The following MYO5A variants were observed in gnomAD, a reference collection of about 807,000 sequenced individuals.
MYO5A encodes the protein myosin VA.
MYO5A carries 98 observed loss-of-function variants against 249.7 expected under a neutral mutation model. The ratio of observed to expected loss-of-function variants is 0.39; its 90% CI spans 0.33 to 0.46. The LOEUF (loss-of-function observed/expected upper bound fraction) is 0.46. MYO5A is among the 20% of genes least tolerant of loss of function. MYO5A has a pLI of 0.98. For missense variants in MYO5A, 1,696 were observed against 2,308.8 expected (o/e 0.73, Z 5.44); for synonymous variants, 778 against 810.6 (o/e 0.96, Z 0.68).
At chr15:52,502,425 G>A (rs115426280) in intron 1 of MYO5A, among the ~76,000 whole-genome samples, 23 of 152,252 alleles carry the variant, frequency 1.5e-4, no homozygotes, top group African/African-American at 2.9e-4. Flanking sequence ...AATAAAGCTC[G>A]TAATTATTCT....
chr15:52,397,575 T>A, intron 9 of MYO5A, 109 bp from the exon 10 acceptor site: 1 of 1,273,534 alleles, frequency 7.9e-7, no homozygotes, highest in Non-Finnish European at 1.1e-6. Flanking sequence ...TTCTTTGTTA[T>A]AACAAACACC....
chr15:52,317,227 G>GA lies in MYO5A; in HGVS notation c.5235-6dup, dbSNP rs756314204. 17 of 1,610,974 alleles carry GA rather than the reference G, an allele frequency of 1.1e-5. No homozygotes were observed. Among genetic ancestry groups the GA allele is most frequent in the Admixed American group, 1.7e-5 (1 of 59,512 alleles). On this transcript the variant is annotated splice_region_variant and splice_polypyrimidine_tract_variant and intron_variant, in intron 39 of 41. Transcript: ENST00000399233. ...TCCAGTTGACTGACATTGTACCTATGAAAAAAAAGAGATACAGAGAATGCA... is the reference window on the plus strand; with the variant it reads ...TCCAGTTGACTGACATTGTACCTATGAAAAAAAAAGAGATACAGAGAATGCA...
At chr15:52,448,438 A>G (rs2075941204) in intron 1 of MYO5A, among the ~76,000 whole-genome samples, 2 of 152,192 alleles carry the variant, frequency 1.3e-5, no homozygotes, top group African/African-American at 4.8e-5. Flanking sequence ...TTTTTATTTT[A>G]CAGGCTCATA....
At chr15:52,451,070 C>T (rs2076011982) in intron 1 of MYO5A, among the ~76,000 whole-genome samples, 3 of 152,018 alleles carry the variant, frequency 2.0e-5, no homozygotes, top group Non-Finnish European at 4.4e-5. Flanking sequence ...ACATTACTTC[C>T]TAAAATCTCT....
At chr15:52,458,164 A>G (rs2076158563) in intron 1 of MYO5A, among the ~76,000 whole-genome samples, 1 of 152,216 alleles carries the variant, frequency 6.6e-6, no homozygotes, top group African/African-American at 2.4e-5. Flanking sequence ...ATACTGTTAG[A>G]AGAAATAACT....
intron 1 of MYO5A, among the ~76,000 whole-genome samples, chr15:52,497,614 G>A (rs530808222): frequency 1.4e-3 from 212 of 150,854 alleles, no homozygotes; most frequent in Middle Eastern, 0.01. Flanking sequence ...AAAATTAGCC[G>A]GGCGTGGCAG....
Position 52,433,258 on chromosome 15 carries a change from C to T in MYO5A, c.55G>A (p.Glu19Lys). The T allele has an allele frequency of 6.2e-7, 1 of 1,613,776 alleles. No homozygotes were observed. Residue 19 changes from glutamate to lysine, a missense_variant, in exon 2 of 42, where the codon GAG becomes AAG. Transcript: ENST00000399233. ...AGCTCTGCTGACTTCCAGACTTCCT[C>T]TGGATCAGGTATCCAAACCCTGGCA... ...KFARVWIPDP[E>K]EVWKSAELLK...
chr15:52,378,236 G>A (rs2041528406), intron 18 of MYO5A, among the ~76,000 whole-genome samples: 2 of 150,718 alleles, frequency 1.3e-5, no homozygotes, highest in South Asian at 4.2e-4. Flanking sequence ...GAAGGGGATT[G>A]GGCAGGCTGG....
At chr15:52,373,263 G>T (rs949000475) in intron 20 of MYO5A, among the ~76,000 whole-genome samples, 1 of 152,124 alleles carries the variant, frequency 6.6e-6, no homozygotes, top group African/African-American at 2.4e-5. Context: ...AAAAGACACC[G>T]TGTAAACATT....
intron 34 of MYO5A, among the ~76,000 whole-genome samples, chr15:52,335,022 G>A (rs1470471294): frequency 1.3e-5 from 2 of 152,216 alleles, no homozygotes; most frequent in African/African-American, 4.8e-5. Context: ...CATGTTGGAG[G>A]AATGAAAACC....
intron 1 of MYO5A, among the ~76,000 whole-genome samples, chr15:52,487,134 G>A (rs1389979318): frequency 6.6e-6 from 1 of 152,182 alleles, no homozygotes; most frequent in Non-Finnish European, 1.5e-5. Flanking sequence ...ATGGGTACTA[G>A]GGCCGAAGCA....
Position 52,440,742 on chromosome 15 carries a change from AAACT to A in MYO5A, c.28-7461_28-7458del, listed in dbSNP as rs368860782. On this transcript the variant is annotated intron_variant, in intron 1 of 41. Coordinates refer to ENST00000399233, the MANE Select transcript of MYO5A (RefSeq NM_001382347.1). ...GATGCCCCAGACACTTTTGGGAACA[AAACT>A]AACAGCATTAACAGAGTAAACTGAC... Among the ~76,000 whole-genome samples, 16 of 152,318 alleles carry A rather than the reference AAACT, an allele frequency of 1.1e-4. No individual in the cohort carries two copies. In the South Asian group the frequency reaches 3.3e-3, roughly 32 times the overall value.
At chr15:52,522,311 C>T (rs988624961) in intron 1 of MYO5A, among the ~76,000 whole-genome samples, 1 of 152,084 alleles carries the variant, frequency 6.6e-6, no homozygotes, top group East Asian at 1.9e-4. Flanking sequence ...AAACTGTACA[C>T]TTAAAATGAG....
intron 15 of MYO5A, 125 bp from the exon 16 acceptor site, chr15:52,383,313 C>T: frequency 2.5e-6 from 2 of 793,216 alleles, no homozygotes; most frequent in Middle Eastern, 2.2e-4. Flanking sequence ...AAACTTGACC[C>T]ATCTTCAGAA....
intron 1 of MYO5A, among the ~76,000 whole-genome samples, chr15:52,479,064 C>T (rs112117189): frequency 0.15 from 22,806 of 151,808 alleles, 1,823 homozygotes; most frequent in Middle Eastern, 0.22. Flanking sequence ...GGCGTGATCT[C>T]AGCTCACTGT....
intron 8 of MYO5A, among the ~76,000 whole-genome samples, chr15:52,406,792 A>G (rs2043022980): frequency 6.6e-6 from 1 of 152,190 alleles, no homozygotes; most frequent in African/African-American, 2.4e-5. Flanking sequence ...GGAATAAACT[A>G]CATGTAATGG....
At position 52,319,342 on chromosome 15, in the gene MYO5A, A is replaced by C; in HGVS notation, c.4952T>G (p.Val1651Gly). 1 of 1,613,904 alleles carries C rather than the reference A, an allele frequency of 6.2e-7. No individual in the cohort carries two copies. Among genetic ancestry groups the C allele is most frequent in the Non-Finnish European group, 8.5e-7 (1 of 1,179,880 alleles). Residue 1651 changes from valine to glycine, a missense_variant and splice_region_variant, in exon 39 of 42, where the codon GTC becomes GGC. By Grantham distance (109) the Val-to-Gly change is moderately radical (BLOSUM62 -3). Around this residue, in one of 5 missense-constraint regions of MYO5A, gnomAD observed 625 missense variants for 908.1 expected, o/e 0.69. Transcript: ENST00000399233. Reference protein sequence around the residue: ...VLENILQPMIVSGMLEHETIQ... With the variant: ...VLENILQPMIGSGMLEHETIQ... ...CGTTTCATGTTCCAGCATGCCTGAG[A>C]CTGCAGGAGTATTTCAATTGTTAGA...
intron 1 of MYO5A, among the ~76,000 whole-genome samples, chr15:52,484,245 T>C (rs868442120): frequency 3.3e-5 from 5 of 152,234 alleles, no homozygotes; most frequent in Non-Finnish European, 5.9e-5. Flanking sequence ...CCTGAAAATA[T>C]ATGTGAATTA....
intron 31 of MYO5A, among the ~76,000 whole-genome samples, chr15:52,341,350 A>C (rs1289253394): frequency 6.6e-6 from 1 of 152,236 alleles, no homozygotes; most frequent in African/African-American, 2.4e-5. Context: ...ACAGAATCCT[A>C]ACAAGATGTG....
Sources: allele counts gnomAD v4.1 joint callset (sites outside exome capture counted in the v4.1 genomes callset), GRCh38; gene constraint gnomAD v4.1.1; regional missense constraint gnomAD v4.1.1; transcripts MANE v1.5; gene names NCBI Gene and HGNC (gene_info 2026-07-23, HGNC 2026-07-21).